GFM1: variants seen among roughly 807,000 people sequenced by gnomAD.
GFM1 encodes elongation factor G, mitochondrial.
In GFM1, 62 loss-of-function variants were observed where a neutral mutation model predicts 96.2. The observed-to-expected ratio is 0.64, with a 90% CI of 0.53 to 0.80. The LOEUF is 0.80. Ranked by LOEUF, GFM1 falls within the 30% of genes least tolerant of loss-of-function variation. The pLI is 0.00. For missense variants in GFM1, 852 were observed against 916.6 expected, an observed-to-expected ratio of 0.93 and a Z score of 0.91; for synonymous variants, 282 against 312.9, an observed-to-expected ratio of 0.90 and a Z score of 1.04.
chr3:158,645,615 C>G lies in GFM1; in HGVS notation c.82-14C>G. The G allele has an allele frequency of 2.5e-6, 4 of 1,605,716 alleles. No individual in the cohort carries two copies. The highest frequency in any genetic ancestry group is 3.4e-6 in the Non-Finnish European group (4 of 1,172,528). ...TAAAAGGTGCATAGAATTGAGCTCT[C>G]GTATTTTTTTCAGGTTAATTGGAAG... On this transcript the variant is annotated splice_polypyrimidine_tract_variant and intron_variant, in intron 1 of 17. Coordinates refer to ENST00000486715, the MANE Select transcript of GFM1 (RefSeq NM_024996.7).
At chr3:158,662,574 A>T in intron 10 of GFM1, 54 bp from the exon 11 acceptor site, 1 of 983,078 alleles carries the variant, frequency 1.0e-6, no homozygotes, top group East Asian at 2.4e-5. Context: ...TCTATCCCTG[A>T]CCCATATGGG....
At chr3:158,649,731 G>A in intron 5 of GFM1, 1 of 400,564 alleles carries the variant, frequency 2.5e-6, no homozygotes, top group Non-Finnish European at 4.5e-6. Flanking sequence ...ACAAAGTACT[G>A]TAATTGCCTG....
intron 13 of GFM1, chr3:158,669,493 T>C: frequency 6.2e-7 from 1 of 1,614,022 alleles, no homozygotes; most frequent in Non-Finnish European, 8.5e-7. Context: ...TAAAATGTGT[T>C]GTCTTCTTCA....
At chr3:158,681,202 G>T (rs1028398164) in intron 13 of GFM1, among the ~76,000 whole-genome samples, 5 of 152,124 alleles carry the variant, frequency 3.3e-5, no homozygotes, top group Admixed American at 3.3e-4. Flanking sequence ...ATTTTCTTAT[G>T]TGCTAATAAT....
chr3:158,684,953 GA>G, intron 15 of GFM1: 1 of 302,330 alleles, frequency 3.3e-6, no homozygotes, highest in Non-Finnish European at 6.2e-6. Context: ...AGGGAAGACT[GA>G]AATGTTCAGA....
chr3:158,647,842 C>G (rs1721957259), intron 4 of GFM1, among the ~76,000 whole-genome samples: 1 of 152,266 alleles, frequency 6.6e-6, no homozygotes, highest in Non-Finnish European at 1.5e-5. Flanking sequence ...TTGGTTCATT[C>G]TTTTCTCCAC....
chr3:158,649,187 T>TTTCTC, intron 5 of GFM1, 30 bp downstream of exon 5: 1 of 906,314 alleles, frequency 1.1e-6, no homozygotes, highest in Non-Finnish European at 1.8e-6. Flanking sequence ...TATTAAAATT[T>TTTCTC]TAAATTTTAA....
chr3:158,684,482 T>C, intron 14 of GFM1, 42 bp from the exon 15 acceptor site: 1 of 1,610,970 alleles, frequency 6.2e-7, no homozygotes, highest in Non-Finnish European at 8.5e-7. Flanking sequence ...TATCTGCAAG[T>C]AAAATCCACT....
chr3:158,658,939 A>G lies in GFM1; in HGVS notation c.1101A>G (p.Gln367=), dbSNP rs1722976118. ...ACTTCTAGGTAGGTCGATTTGGACA[A>G]TTAACTTATGTTCGCAGTTATCAGG... The part of the protein sequence containing the change: ...AFKLEVGRFG[Q]LTYVRSYQGE... The change falls in exon 9 of 18, where the codon CAA becomes CAG. Residue 367 remains glutamine (Q), a synonymous_variant. Coordinates refer to ENST00000486715, the MANE Select transcript of GFM1 (RefSeq NM_024996.7). The G allele has an allele frequency of 6.2e-7, 1 of 1,614,182 alleles. No individual in the cohort carries two copies. The highest frequency in any genetic ancestry group is 8.5e-7 in the Non-Finnish European group (1 of 1,180,036).
At chr3:158,650,636 C>T (rs1560129224) in intron 5 of GFM1, 1 of 152,300 alleles carries the variant, frequency 6.6e-6, no homozygotes, top group Non-Finnish European at 1.5e-5. Context: ...TTAAGTGTTA[C>T]TTTTTGTTGG....
At position 158,649,056 on chromosome 3, in the gene GFM1, T is replaced by C; in HGVS notation, c.588T>C (p.His196=). ...ALQQMRSKLN[H]NAAFMQIPMG... Reference sequence around the variant, plus strand: ...TATTTTTCAGGTCTAAACTAAATCATAATGCAGCGTTTATGCAGATACCCA... The same window carrying C: ...TATTTTTCAGGTCTAAACTAAATCACAATGCAGCGTTTATGCAGATACCCA... The change falls in exon 5 of 18, where the codon CAT becomes CAC. Residue 196 remains histidine (H), a synonymous_variant. Transcript: ENST00000486715. 1 of 1,507,500 alleles carries C rather than the reference T, an allele frequency of 6.6e-7. No individual in the cohort carries two copies. Among genetic ancestry groups the C allele is most frequent in the East Asian group, 2.3e-5 (1 of 44,338 alleles). 93.4% of individuals were successfully genotyped at this position (1,507,500 alleles called of 1,614,324 possible).
Position 158,672,502 on chromosome 3 carries a change from G to A in GFM1, c.1601+6116G>A, listed in dbSNP as rs1243306757. The A allele has an allele frequency of 2.5e-6, 4 of 1,612,994 alleles. No homozygotes were observed. In the African/African-American group the frequency reaches 5.3e-5, roughly 22 times the overall value. On this transcript the variant is annotated intron_variant, in intron 13 of 17. Transcript: ENST00000486715. ...ATTCCGGATGAGCAGTGACTTCAGG[G>A]CTTGGGCTACTCTGGCTTAACGGGA... is the stretch of plus-strand genomic sequence containing the variant.
chr3:158,664,004 G>T (rs539542453), intron 11 of GFM1, among the ~76,000 whole-genome samples: 2 of 152,290 alleles, frequency 1.3e-5, no homozygotes, highest in East Asian at 1.9e-4. Flanking sequence ...CTGGGATTCA[G>T]TCCCAGCTTT....
rs143072833 is a variant in GFM1, at chr3:158,691,468, C to G, written c.*1C>G. 1 of 1,613,340 alleles carries G rather than the reference C, an allele frequency of 6.2e-7. No individual in the cohort carries two copies. The highest frequency in any genetic ancestry group is 1.7e-5 in the Admixed American group (1 of 59,970). Reference sequence around the variant, plus strand: ...TAAAAAAGGAAAAGCCAAGAACTAACTTTGCTTACTGTGAGTTGACTGACT... The same window carrying G: ...TAAAAAAGGAAAAGCCAAGAACTAAGTTTGCTTACTGTGAGTTGACTGACT... On this transcript the variant is annotated 3_prime_UTR_variant, in exon 18 of 18. Transcript: ENST00000486715.
In GFM1 at chr3:158,687,659, G is replaced by C. The variant is rs1332772456; in HGVS notation, c.1910-2504G>C. Among the ~76,000 whole-genome samples the C allele has an allele frequency of 2.6e-5, 4 of 152,084 alleles. No individual in the cohort carries two copies. The East Asian group carries it at 7.8e-4, about 30-fold the overall frequency. On this transcript the variant is annotated intron_variant, in intron 15 of 17. Coordinates refer to ENST00000486715, the MANE Select transcript of GFM1 (RefSeq NM_024996.7). The stretch of plus-strand genomic sequence containing the variant: ...ATTTTTGTATTTTTAGTAGAGACAG[G>C]GTCTTACCATGTTGGCCAAGCTGGT...
At chr3:158,686,797 A>G (rs1370985353) in intron 15 of GFM1, among the ~76,000 whole-genome samples, 1 of 133,260 alleles carries the variant, frequency 7.5e-6, no homozygotes, top group East Asian at 2.2e-4. Flanking sequence ...CGGTGGTGCA[A>G]TCTTGGCTCA....
At chr3:158,667,659 G>T (rs1454432744) in intron 13 of GFM1, among the ~76,000 whole-genome samples, 3 of 152,108 alleles carry the variant, frequency 2.0e-5, no homozygotes, top group Admixed American at 1.3e-4. Context: ...ATGCCTGTGT[G>T]TGCCTGTACT....
intron 3 of GFM1, 137 bp from the exon 4 acceptor site, chr3:158,646,606 T>C: frequency 1.2e-6 from 1 of 829,512 alleles, no homozygotes. Context: ...GGTTGGTGAA[T>C]AGTATTGGTG....
intron 17 of GFM1, 31 bp from the exon 18 acceptor site, chr3:158,691,304 CA>C (rs145803239): frequency 6.2e-7 from 1 of 1,611,630 alleles, no homozygotes; most frequent in Middle Eastern, 1.7e-4. Context: ...AACAAACAAA[CA>C]AAAAACCCTC....
Sources: allele counts gnomAD v4.1 joint callset (sites outside exome capture counted in the v4.1 genomes callset), GRCh38; gene constraint gnomAD v4.1.1; transcripts MANE v1.5; gene names NCBI Gene and HGNC (gene_info 2026-07-23, HGNC 2026-07-21).